ERBB4: variants seen among roughly 807,000 people sequenced by gnomAD.
ERBB4 encodes the protein erb-b2 receptor tyrosine kinase 4.
Under a neutral mutation model 158.0 loss-of-function variants are expected in ERBB4, and 42 were observed. The ratio of observed to expected loss-of-function variants is 0.27; its 90% CI spans 0.21 to 0.34. The LOEUF (loss-of-function observed/expected upper bound fraction) is 0.34. Among genes scored for constraint, ERBB4 ranks in the 10% least tolerant of loss-of-function variants. The pLI is 1.00. For synonymous variants in ERBB4, 583 were observed against 558.7 expected, an observed-to-expected ratio of 1.04 and a Z score of -0.61; for missense variants, 1,333 against 1,624.1, an observed-to-expected ratio of 0.82 and a Z score of 3.08.
intron 17 of ERBB4, among the ~76,000 whole-genome samples, chr2:211,625,621 T>A (rs867666837): frequency 5.9e-5 from 9 of 152,178 alleles, no homozygotes; most frequent in African/African-American, 2.2e-4. Context: ...TCAGAAAGAA[T>A]CACTAAATTA....
intron 2 of ERBB4, among the ~76,000 whole-genome samples, chr2:211,951,383 AAAT>A (rs1299618283): frequency 6.6e-6 from 1 of 152,144 alleles, no homozygotes; most frequent in Non-Finnish European, 1.5e-5. Context: ...AATAATCTGC[AAAT>A]AATAAGTGCT....
chr2:212,116,116 A>G (rs1477263281), intron 2 of ERBB4, among the ~76,000 whole-genome samples: 6 of 151,866 alleles, frequency 4.0e-5, no homozygotes, highest in Non-Finnish European at 5.9e-5. Flanking sequence ...TAAGGTTAAT[A>G]TTATATACTA....
chr2:211,779,359 C>T (rs1347827205), intron 4 of ERBB4: 1 of 152,162 alleles, frequency 6.6e-6, no homozygotes, highest in East Asian at 1.9e-4. Context: ...TAGCCCATTT[C>T]CACTATGTCC....
chr2:212,508,048 C>T (rs572589083), intron 1 of ERBB4, among the ~76,000 whole-genome samples: 4 of 152,280 alleles, frequency 2.6e-5, no homozygotes, highest in African/African-American at 9.6e-5. Context: ...TGGTCAGCAA[C>T]CATCAACAGC....
chr2:211,465,434 A>T (rs2064656300), intron 20 of ERBB4, among the ~76,000 whole-genome samples: 1 of 150,958 alleles, frequency 6.6e-6, no homozygotes, highest in Non-Finnish European at 1.5e-5. Context: ...TGGGTTTTTA[A>T]AAATGACATC....
intron 1 of ERBB4, among the ~76,000 whole-genome samples, chr2:212,315,429 A>G (rs2087230427): frequency 6.6e-6 from 1 of 151,470 alleles, no homozygotes; most frequent in Admixed American, 6.6e-5. Flanking sequence ...TTACACATAT[A>G]TCACACACAT....
chr2:211,470,955 T>G (rs556992847), intron 20 of ERBB4, among the ~76,000 whole-genome samples: 3 of 152,178 alleles, frequency 2.0e-5, no homozygotes, highest in Admixed American at 2.0e-4. Context: ...CTTCAACCAT[T>G]TGGACAAACA....
chr2:211,867,604 C>A (rs1404566020), intron 3 of ERBB4, among the ~76,000 whole-genome samples: 3 of 152,058 alleles, frequency 2.0e-5, no homozygotes, highest in African/African-American at 4.8e-5. Flanking sequence ...CTCTTCATTT[C>A]TTTATTTCTT....
At chr2:212,262,592 T>G (rs2106091201) in intron 1 of ERBB4, among the ~76,000 whole-genome samples, 1 of 152,266 alleles carries the variant, frequency 6.6e-6, no homozygotes, top group Non-Finnish European at 1.5e-5. Flanking sequence ...TGAATAAAGG[T>G]AGTTGGCAAA....
At chr2:211,885,671 G>A (rs1320008774) in intron 3 of ERBB4, among the ~76,000 whole-genome samples, 1 of 152,082 alleles carries the variant, frequency 6.6e-6, no homozygotes, top group Non-Finnish European at 1.5e-5. Flanking sequence ...GGTTGTCCAG[G>A]CTGGTCTTGA....
intron 1 of ERBB4, among the ~76,000 whole-genome samples, chr2:212,345,934 G>A (rs908502711): frequency 1.3e-5 from 2 of 152,032 alleles, no homozygotes; most frequent in African/African-American, 4.8e-5. Context: ...AAAAGATAGA[G>A]AGATAAATAC....
At chr2:212,394,867 G>A (rs2090978437) in intron 1 of ERBB4, among the ~76,000 whole-genome samples, 1 of 152,108 alleles carries the variant, frequency 6.6e-6, no homozygotes, top group South Asian at 2.1e-4. Context: ...AATAATCATT[G>A]TCATAGTCAT....
At chr2:212,060,419 AG>A (rs1372764735) in intron 2 of ERBB4, among the ~76,000 whole-genome samples, 1 of 151,602 alleles carries the variant, frequency 6.6e-6, no homozygotes, top group Non-Finnish European at 1.5e-5. Flanking sequence ...TCAAGGATCT[AG>A]AACTAGAAAT....
intron 1 of ERBB4, among the ~76,000 whole-genome samples, chr2:212,242,684 AT>A (rs2084154979): frequency 6.6e-6 from 1 of 152,194 alleles, no homozygotes; most frequent in Non-Finnish European, 1.5e-5. Flanking sequence ...CAAAAAAAAA[AT>A]ACACTGAATT....
chr2:212,087,599 C>G (rs2078654909), intron 2 of ERBB4, among the ~76,000 whole-genome samples: 1 of 152,000 alleles, frequency 6.6e-6, no homozygotes, highest in Admixed American at 6.6e-5. Flanking sequence ...CAGTCCAAAC[C>G]AGCTTGAGAG....
At chr2:212,269,387 G>A (rs1249386639) in intron 1 of ERBB4, among the ~76,000 whole-genome samples, 1 of 151,762 alleles carries the variant, frequency 6.6e-6, no homozygotes, top group African/African-American at 2.4e-5. Context: ...AAATCAGGAT[G>A]CAGCTCTACC....
At chr2:211,922,385 T>A (rs1035493404) in intron 3 of ERBB4, among the ~76,000 whole-genome samples, 1 of 152,272 alleles carries the variant, frequency 6.6e-6, no homozygotes, top group East Asian at 1.9e-4. Context: ...CAAAAGTCTC[T>A]CTGAATATGT....
chr2:212,521,689 A>G (rs1037882543), intron 1 of ERBB4, among the ~76,000 whole-genome samples: 1 of 152,022 alleles, frequency 6.6e-6, no homozygotes, highest in South Asian at 2.1e-4. Context: ...CACAACTATG[A>G]GGTTAACATT....
chr2:212,075,684 T>C (rs1310016767), intron 2 of ERBB4, among the ~76,000 whole-genome samples: 3 of 151,906 alleles, frequency 2.0e-5, no homozygotes, highest in Admixed American at 2.0e-4. Flanking sequence ...CATTGGTTGG[T>C]TTTATATAAT....
Sources: gnomAD v4.1 joint callset for allele counts (sites outside exome capture counted in the v4.1 genomes callset) on GRCh38, gnomAD v4.1.1 for gene constraint, MANE v1.5 for transcripts, NCBI Gene and HGNC (gene_info 2026-07-23, HGNC 2026-07-21) for gene names.